The following WDR64 variants were observed in gnomAD, a reference collection of about 807,000 sequenced individuals.
WDR64 encodes the protein WD repeat domain 64.
WDR64 carries 112 observed loss-of-function variants against 139.3 expected under a neutral mutation model. The ratio of observed to expected loss-of-function variants is 0.80; its 90% CI spans 0.69 to 0.94. The LOEUF is 0.94. Among genes scored for constraint, WDR64 ranks in the 40% least tolerant of loss-of-function variants. WDR64 has a pLI of 0.00. For synonymous variants in WDR64, 444 were observed against 437.7 expected, an observed-to-expected ratio of 1.01 and a Z score of -0.18; for missense variants, 1,206 against 1,293.1, an observed-to-expected ratio of 0.93 and a Z score of 1.03.
chr1:241,692,251 G>A (rs990998623), intron 8 of WDR64, among the ~76,000 whole-genome samples: 1 of 152,086 alleles, frequency 6.6e-6, no homozygotes, highest in Non-Finnish European at 1.5e-5. Flanking sequence ...GAGTCAATGC[G>A]ATCTCACCCA....
intron 6 of WDR64, among the ~76,000 whole-genome samples, chr1:241,682,893 T>C (rs1666863555): frequency 6.6e-6 from 1 of 152,194 alleles, no homozygotes; most frequent in Admixed American, 6.5e-5. Flanking sequence ...ACAGTCGTGC[T>C]GCAATAGTTC....
chr1:241,746,853 G>A (rs1220811486), intron 13 of WDR64, among the ~76,000 whole-genome samples: 2 of 151,316 alleles, frequency 1.3e-5, no homozygotes, highest in Non-Finnish European at 2.9e-5. Context: ...TCCGCCTCCT[G>A]GGTTCAAGTG....
chr1:241,726,332 G>A (rs1455541550), intron 10 of WDR64, among the ~76,000 whole-genome samples: 1 of 152,078 alleles, frequency 6.6e-6, no homozygotes, highest in Non-Finnish European at 1.5e-5. Context: ...CACTTTGGGA[G>A]GTCAAGGTGG....
chr1:241,727,794 C>T (rs1385708328), intron 10 of WDR64, among the ~76,000 whole-genome samples: 1 of 152,188 alleles, frequency 6.6e-6, no homozygotes, highest in African/African-American at 2.4e-5. Context: ...AATCCCAGCA[C>T]TTTGGGAGGT....
intron 23 of WDR64, among the ~76,000 whole-genome samples, chr1:241,787,198 CAA>C (rs67336689): frequency 1.3e-3 from 161 of 128,190 alleles, no homozygotes; most frequent in Middle Eastern, 7.5e-3. Flanking sequence ...ACTAAAAATA[CAA>C]AAAAAAAAAA....
intron 8 of WDR64, among the ~76,000 whole-genome samples, chr1:241,707,895 G>T (rs907437946): frequency 6.6e-6 from 1 of 152,210 alleles, no homozygotes; most frequent in Non-Finnish European, 1.5e-5. Context: ...CATATATTTA[G>T]CAACAGAACA....
At chr1:241,786,988 A>G (rs1193299252) in intron 23 of WDR64, among the ~76,000 whole-genome samples, 1 of 152,106 alleles carries the variant, frequency 6.6e-6, no homozygotes, top group Non-Finnish European at 1.5e-5. Context: ...GGCTTTGACA[A>G]ATGGGTGTCA....
chr1:241,687,822 T>C (rs546373369), intron 8 of WDR64, among the ~76,000 whole-genome samples: 1 of 152,344 alleles, frequency 6.6e-6, no homozygotes, highest in African/African-American at 2.4e-5. Flanking sequence ...TTGTTGTTTA[T>C]TTCTATCATC....
chr1:241,704,093 C>T (rs773271470), intron 8 of WDR64, among the ~76,000 whole-genome samples: 11 of 152,276 alleles, frequency 7.2e-5, no homozygotes, highest in East Asian at 1.9e-4. Context: ...TATTAATGAA[C>T]ATCATGGGCC....
chr1:241,790,584 T>C lies in WDR64; in HGVS notation c.2892-7T>C, dbSNP rs1659186281. ...GTATGTACTTATTCTTGTATCTTTATATGCAGATGGAGAAAAATGAGCTCA... is the reference window on the plus strand; with the variant it reads ...GTATGTACTTATTCTTGTATCTTTACATGCAGATGGAGAAAAATGAGCTCA... On this transcript the variant is annotated splice_polypyrimidine_tract_variant and splice_region_variant and intron_variant, in intron 24 of 27. Coordinates refer to ENST00000437684, the MANE Select transcript of WDR64 (RefSeq NM_001367482.1). 3 of 1,602,214 alleles carry C rather than the reference T, an allele frequency of 1.9e-6. No homozygotes were observed. Among genetic ancestry groups the C allele is most frequent in the South Asian group, 1.1e-5 (1 of 88,844 alleles).
intron 1 of WDR64, among the ~76,000 whole-genome samples, chr1:241,660,107 G>C (rs1031886467): frequency 6.6e-6 from 1 of 152,190 alleles, no homozygotes. Flanking sequence ...AAGGGGTCCA[G>C]TTTCAATTTC....
At chr1:241,767,545 T>A (rs1265798366) in intron 16 of WDR64, among the ~76,000 whole-genome samples, 5 of 151,872 alleles carry the variant, frequency 3.3e-5, no homozygotes, top group Non-Finnish European at 7.4e-5. Context: ...GAAAATAAAA[T>A]CAAGTTTATC....
At chr1:241,679,672 T>C (rs1182396483) in intron 6 of WDR64, 77 bp downstream of exon 6, 5 of 1,181,142 alleles carry the variant, frequency 4.2e-6, no homozygotes, top group Non-Finnish European at 6.1e-6. Flanking sequence ...ATCCACTTTC[T>C]CTATTGAACA....
chr1:241,677,356 A>C lies in WDR64; in HGVS notation c.484-831A>C, dbSNP rs41315848. The C allele has an allele frequency of 9.0e-3, 3,588 of 398,526 alleles. 31 individuals are homozygous for C. The highest frequency in any genetic ancestry group is 0.01 in the Non-Finnish European group (2,318 of 226,044). The allele number at this position is 398,526 out of a possible 1,614,324, so 24.7% of individuals were successfully genotyped here. A position where few individuals can be genotyped will look rare whatever the true frequency, so the allele number is the denominator to read the frequency against. ...CACCTAGAAGTCAGTCCCGGGTTAGAAAAGCCTTTTTGAACTCTTCAGATG... is the reference window on the plus strand; with the variant it reads ...CACCTAGAAGTCAGTCCCGGGTTAGCAAAGCCTTTTTGAACTCTTCAGATG... On this transcript the variant is annotated intron_variant, in intron 4 of 27. Coordinates refer to ENST00000437684, the MANE Select transcript of WDR64 (RefSeq NM_001367482.1).
chr1:241,705,475 G>A (rs1401686724), intron 8 of WDR64, among the ~76,000 whole-genome samples: 1 of 151,286 alleles, frequency 6.6e-6, no homozygotes, highest in Non-Finnish European at 1.5e-5. Context: ...CCGGGAGGCG[G>A]AGCTTGCAGT....
At position 241,773,018 on chromosome 1, in the gene WDR64, G is replaced by T. The variant is rs1658520658; in HGVS notation, c.2430+87G>T. ...ATGAATCTTAGTGTTCTTCCATATG[G>T]CATCCAATTATAATATTTTTTCAAC... On this transcript the variant is annotated intron_variant, in intron 20 of 27. Coordinates refer to ENST00000437684, the MANE Select transcript of WDR64 (RefSeq NM_001367482.1). 4 of 1,374,146 alleles carry T rather than the reference G, an allele frequency of 2.9e-6. No homozygotes were observed. The African/African-American group carries it at 6.0e-5, about 20-fold the overall frequency. 85.1% of individuals were successfully genotyped at this position (1,374,146 alleles called of 1,614,324 possible).
At chr1:241,671,052 T>G in intron 2 of WDR64, 22 bp from the exon 3 acceptor site, 1 of 1,473,284 alleles carries the variant, frequency 6.8e-7, no homozygotes, top group Non-Finnish European at 9.2e-7. Flanking sequence ...TGCATATTTA[T>G]ATGTGCTGTT....
rs771427966 is a variant in WDR64, at chr1:241,652,572, G to A, written c.88G>A (p.Glu30Lys). Residue 30 changes from glutamate (E) to lysine (K), a missense_variant, in exon 1 of 28, where the codon GAA becomes AAA. By Grantham distance (56) the Glu-to-Lys change is moderately conservative (BLOSUM62 1). Coordinates refer to ENST00000437684, the MANE Select transcript of WDR64 (RefSeq NM_001367482.1). ...KALNRFEKLV[E>K]QTAAQKRDER... ...TTTGAACAGGTTTGAAAAATTGGTTGAACAAACAGCAGCCCAGAAAAGAGA... is the reference window on the plus strand; with the variant it reads ...TTTGAACAGGTTTGAAAAATTGGTTAAACAAACAGCAGCCCAGAAAAGAGA... 82 of 1,551,802 alleles carry A rather than the reference G, an allele frequency of 5.3e-5. No homozygotes were observed. The highest frequency in any genetic ancestry group is 1.7e-4 in the Middle Eastern group (1 of 6,018).
chr1:241,734,073 CAA>C (rs1669199092), intron 10 of WDR64, among the ~76,000 whole-genome samples: 1 of 152,136 alleles, frequency 6.6e-6, no homozygotes, highest in Non-Finnish European at 1.5e-5. Flanking sequence ...CCATTCTATG[CAA>C]AGTCATCCCT....
Sources: gnomAD v4.1 joint callset for allele counts (sites outside exome capture counted in the v4.1 genomes callset) on GRCh38, gnomAD v4.1.1 for gene constraint, MANE v1.5 for transcripts, NCBI Gene and HGNC (gene_info 2026-07-23, HGNC 2026-07-21) for gene names.